The following GRIP1 variants were observed in gnomAD, a reference collection of about 807,000 sequenced individuals.
The protein encoded by GRIP1 is glutamate receptor-interacting protein 1.
A neutral mutation model predicts 129.9 loss-of-function variants in GRIP1; 45 were observed. That is an observed-to-expected ratio of 0.35 (90% CI 0.27 to 0.44). GRIP1 has a LOEUF of 0.44. GRIP1 is among the 20% of genes least tolerant of loss of function. The pLI, the probability that GRIP1 is intolerant of heterozygous loss-of-function variation, is 1.00. For missense variants in GRIP1, 1,196 were observed against 1,396.8 expected, an observed-to-expected ratio of 0.86 and a Z score of 2.29; for synonymous variants, 530 against 520.8, an observed-to-expected ratio of 1.02 and a Z score of -0.24.
At chr12:66,693,982 T>C (rs1389660565) in intron 1 of GRIP1, among the ~76,000 whole-genome samples, 2 of 152,176 alleles carry the variant, frequency 1.3e-5, no homozygotes, top group Non-Finnish European at 2.9e-5. Flanking sequence ...CACTTCTCAA[T>C]TCTGCTACCT....
intron 1 of GRIP1, among the ~76,000 whole-genome samples, chr12:66,600,582 T>C (rs575670925): frequency 6.6e-6 from 1 of 152,354 alleles, no homozygotes; most frequent in East Asian, 1.9e-4. Flanking sequence ...TGATAGCCTA[T>C]TCCTTTTAAA....
intron 15 of GRIP1, among the ~76,000 whole-genome samples, chr12:66,411,342 G>A (rs1268847475): frequency 6.6e-6 from 1 of 152,132 alleles, no homozygotes; most frequent in African/African-American, 2.4e-5. Context: ...CAGGCTTGGG[G>A]TCTGGAGTAG....
intron 1 of GRIP1, among the ~76,000 whole-genome samples, chr12:67,041,417 A>G (rs1456329241): frequency 2.6e-5 from 4 of 152,078 alleles, no homozygotes; most frequent in Non-Finnish European, 4.4e-5. Context: ...AGAGAGAGAG[A>G]TGGTTCTGAT....
At position 66,456,341 on chromosome 12, in the gene GRIP1, C is replaced by T. The variant is rs996649924; in HGVS notation, c.1044G>A (p.Val348=). 1 of 1,286,782 alleles carries T rather than the reference C, an allele frequency of 7.8e-7. No homozygotes were observed. The highest frequency in any genetic ancestry group is 1.5e-5 in the African/African-American group (1 of 65,772). 79.7% of individuals were successfully genotyped at this position (1,286,782 alleles called of 1,614,324 possible). A position where few individuals can be genotyped will look rare whatever the true frequency, so the allele number is the denominator to read the frequency against. Residue 348 remains valine (V), a splice_region_variant and synonymous_variant, in exon 10 of 25, where the codon GTG becomes GTA. Coordinates refer to ENST00000359742, the MANE Select transcript of GRIP1 (RefSeq NM_001366722.1). The part of the protein sequence containing the change: ...TRLALKGPDH[V]KIQRSDRQLT... Reference sequence around the variant, plus strand: ...GTTGCCTGTCGCTCCTCTGAATTTTCACTGCCCATATGAAGTGATGATGAA... The same window carrying T: ...GTTGCCTGTCGCTCCTCTGAATTTTTACTGCCCATATGAAGTGATGATGAA...
chr12:66,526,178 C>A (rs910524995), intron 5 of GRIP1, among the ~76,000 whole-genome samples: 29 of 151,024 alleles, frequency 1.9e-4, no homozygotes, highest in Admixed American at 3.3e-4. Flanking sequence ...GAAAAAACTA[C>A]TTTAAAGTTC....
intron 1 of GRIP1, among the ~76,000 whole-genome samples, chr12:66,990,977 CAAAA>C (rs373022223): frequency 3.9e-5 from 4 of 102,616 alleles, no homozygotes; most frequent in Admixed American, 1.1e-4. Flanking sequence ...AACTCCGTCG[CAAAA>C]AAAAAAAAAA....
rs1057288432 is a variant in GRIP1, at chr12:66,462,663, A to T, written c.1042+261T>A. 1.7e-4 allele frequency among the ~76,000 whole-genome samples: 26 copies of T among 152,154 alleles called. 1 individual carries two copies. Among genetic ancestry groups the T allele is most frequent in the African/African-American group, 6.3e-4 (26 of 41,516 alleles). ...TTAAAAATACAAAAATTAGCTGGGC[A>T]TGGTGGCGGTCACCTGTAATCCCAG... is the stretch of plus-strand genomic sequence containing the variant. On this transcript the variant is annotated intron_variant, in intron 9 of 24. Coordinates refer to ENST00000359742, the MANE Select transcript of GRIP1 (RefSeq NM_001366722.1).
chr12:67,042,021 C>A (rs897945647), intron 1 of GRIP1, among the ~76,000 whole-genome samples: 1 of 152,156 alleles, frequency 6.6e-6, no homozygotes, highest in Non-Finnish European at 1.5e-5. Flanking sequence ...ATGAGGGCCT[C>A]ACCCTCATGA....
intron 1 of GRIP1, among the ~76,000 whole-genome samples, chr12:66,749,025 G>C (rs2037041958): frequency 1.3e-5 from 2 of 152,174 alleles, no homozygotes; most frequent in African/African-American, 4.8e-5. Flanking sequence ...AACATTTGTT[G>C]AGTGCATGCA....
intron 1 of GRIP1, among the ~76,000 whole-genome samples, chr12:66,980,119 C>G (rs889596595): frequency 1.3e-5 from 2 of 152,124 alleles, no homozygotes; most frequent in African/African-American, 2.4e-5. Flanking sequence ...TCTGGTACCA[C>G]GCACTAAGTC....
chr12:66,947,376 C>A (rs1229289005), intron 1 of GRIP1, among the ~76,000 whole-genome samples: 1 of 152,208 alleles, frequency 6.6e-6, no homozygotes, highest in Non-Finnish European at 1.5e-5. Flanking sequence ...TAAGGATATG[C>A]TCAGCCCTTA....
At chr12:66,947,539 G>A (rs1368247384) in intron 1 of GRIP1, among the ~76,000 whole-genome samples, 1 of 152,208 alleles carries the variant, frequency 6.6e-6, no homozygotes, top group Non-Finnish European at 1.5e-5. Context: ...GAAAACAGTT[G>A]ATACGGTACA....
chr12:66,937,449 T>A (rs138320685), intron 1 of GRIP1, among the ~76,000 whole-genome samples: 2 of 152,338 alleles, frequency 1.3e-5, no homozygotes, highest in Non-Finnish European at 2.9e-5. Context: ...AAATAGCTGA[T>A]GTTTAATAAA....
At chr12:66,605,042 A>G (rs2064450249) in intron 1 of GRIP1, among the ~76,000 whole-genome samples, 1 of 119,058 alleles carries the variant, frequency 8.4e-6, no homozygotes, top group Non-Finnish European at 1.8e-5. Context: ...TATGAAATTC[A>G]GAAGTCACTT....
At chr12:66,773,299 T>C (rs896337116) in intron 1 of GRIP1, among the ~76,000 whole-genome samples, 1 of 152,228 alleles carries the variant, frequency 6.6e-6, no homozygotes, top group African/African-American at 2.4e-5. Context: ...TAAACATACC[T>C]GTGCATGTGT....
At chr12:66,599,193 A>G (rs1057327896) in intron 1 of GRIP1, among the ~76,000 whole-genome samples, 1 of 152,200 alleles carries the variant, frequency 6.6e-6, no homozygotes, top group Non-Finnish European at 1.5e-5. Flanking sequence ...CTTACTGAGC[A>G]CAGGCAAAAG....
intron 1 of GRIP1, among the ~76,000 whole-genome samples, chr12:66,867,387 T>G (rs2040224744): frequency 1.3e-5 from 2 of 152,168 alleles, no homozygotes; most frequent in Non-Finnish European, 2.9e-5. Context: ...AGCGTGAAAC[T>G]TTAAAAATTA....
At chr12:67,060,340 T>C (rs1328485254) in intron 1 of GRIP1, among the ~76,000 whole-genome samples, 2 of 152,230 alleles carry the variant, frequency 1.3e-5, no homozygotes, top group African/African-American at 2.4e-5. Context: ...AGAGGGAATT[T>C]AGTTTCAGGC....
chr12:66,445,329 C>T lies in GRIP1; in HGVS notation c.1534G>A (p.Ala512Thr). The T allele has an allele frequency of 1.2e-6, 2 of 1,613,862 alleles. No homozygotes were observed. The highest frequency in any genetic ancestry group is 1.7e-6 in the Non-Finnish European group (2 of 1,179,740). ...TGAAAGAAAGTGTCTCACCTCTCTG[C>T]TGGGCTGTCAGCTTCGATATAGGAA... ...LISYIEADSP[A>T]ERCGVLQIGD... The change falls in exon 12 of 25, where the codon GCA becomes ACA. Residue 512 changes from alanine (A) to threonine (T), a missense_variant. Ala to Thr is a moderately conservative substitution (Grantham distance 58). Around this residue, in one of 5 missense-constraint regions of GRIP1, gnomAD observed 508 missense variants for 587.0 expected, o/e 0.87. Transcript: ENST00000359742.
Sources: gnomAD v4.1 joint callset for allele counts (sites outside exome capture counted in the v4.1 genomes callset) on GRCh38, gnomAD v4.1.1 for gene constraint, gnomAD v4.1.1 regional missense constraint, MANE v1.5 for transcripts, NCBI Gene and HGNC (gene_info 2026-07-23, HGNC 2026-07-21) for gene names.